The following GMPR variants were observed in gnomAD, a reference collection of about 807,000 sequenced individuals.
The protein encoded by GMPR is guanosine monophosphate reductase.
A neutral mutation model predicts 38.4 loss-of-function variants in GMPR; 31 were observed. That is an observed-to-expected ratio of 0.81 (90% CI 0.61 to 1.09). The LOEUF (loss-of-function observed/expected upper bound fraction) is 1.09, where lower values mean the gene tolerates loss of function less well. Ranked by LOEUF, GMPR falls within the 50% of genes least tolerant of loss-of-function variation. GMPR has a pLI of 0.00. For synonymous variants in GMPR, 162 were observed against 173.3 expected, an observed-to-expected ratio of 0.93 and a Z score of 0.51; for missense variants, 468 against 453.7, an observed-to-expected ratio of 1.03 and a Z score of -0.29.
chr6:16,277,257 G>A (rs1006694389), intron 5 of GMPR, among the ~76,000 whole-genome samples: 8 of 152,194 alleles, frequency 5.3e-5, no homozygotes, highest in Admixed American at 5.2e-4. Flanking sequence ...AGAGGGGCTT[G>A]CCCTGTCTCT....
intron 4 of GMPR, among the ~76,000 whole-genome samples, chr6:16,257,516 C>T (rs1426275066): frequency 6.6e-6 from 1 of 152,230 alleles, no homozygotes; most frequent in East Asian, 1.9e-4. Context: ...AGATACCTCA[C>T]TTGCTCTTTT....
rs557802238 is a variant in GMPR at position 16,293,158 on chromosome 6, C to T, written c.858-1848C>T. Among the ~76,000 whole-genome samples the T allele has an allele frequency of 4.6e-5, 7 of 152,300 alleles. No individual in the cohort carries two copies. In the South Asian group the frequency reaches 1.4e-3, roughly 32 times the overall value. On this transcript the variant is annotated intron_variant, in intron 8 of 8. Coordinates refer to ENST00000259727, the MANE Select transcript of GMPR (RefSeq NM_006877.4). ...TTTCCCAATCATTATTTCATTCTCA[C>T]GCTGTGCCCGGGAGGCAAAGTACCT...
intron 6 of GMPR, among the ~76,000 whole-genome samples, chr6:16,282,691 G>C (rs557322353): frequency 5.1e-4 from 77 of 152,226 alleles, no homozygotes; most frequent in Admixed American, 1.2e-3. Flanking sequence ...TCCTTTCTCT[G>C]CCTACTCCAT....
intron 8 of GMPR, among the ~76,000 whole-genome samples, chr6:16,292,300 G>A (rs942738829): frequency 6.6e-6 from 1 of 151,956 alleles, no homozygotes; most frequent in Non-Finnish European, 1.5e-5. Flanking sequence ...TAGGTGGGGG[G>A]ATTGGGGGGA....
At chr6:16,267,605 C>T (rs1581657702) in intron 4 of GMPR, among the ~76,000 whole-genome samples, 2 of 151,964 alleles carry the variant, frequency 1.3e-5, no homozygotes, top group South Asian at 2.1e-4. Context: ...ACTCCGGACA[C>T]GCCATCTTTT....
Position 16,247,314 on chromosome 6 carries a change from G to A in GMPR, c.207+353G>A, listed in dbSNP as rs939971863. 5.8e-4 allele frequency among the ~76,000 whole-genome samples: 88 copies of A among 151,846 alleles called. 1 individual carries two copies. Among genetic ancestry groups the A allele is most frequent in the Non-Finnish European group, 1.8e-4 (12 of 68,020 alleles). On this transcript the variant is annotated intron_variant, in intron 2 of 8. Coordinates refer to ENST00000259727, the MANE Select transcript of GMPR (RefSeq NM_006877.4). The stretch of plus-strand genomic sequence containing the variant: ...TGCAGTCCGTGCTGCAGCATTTACT[G>A]TATAATTATGTTGAATACATGTATC...
At chr6:16,291,922 A>G (rs959863414) in intron 8 of GMPR, among the ~76,000 whole-genome samples, 11 of 151,982 alleles carry the variant, frequency 7.2e-5, no homozygotes, top group Admixed American at 6.6e-4. Flanking sequence ...AAAAAAAAAA[A>G]AGAACCTGAT....
chr6:16,286,524 G>T (rs1225865695), intron 7 of GMPR, among the ~76,000 whole-genome samples: 1 of 151,592 alleles, frequency 6.6e-6, no homozygotes, highest in Non-Finnish European at 1.5e-5. Context: ...AAGCTCCCAT[G>T]CCTCCGCCCT....
chr6:16,246,938 G>C lies in GMPR; in HGVS notation c.184G>C (p.Glu62Gln). 1.2e-6 allele frequency: 2 copies of C among 1,614,028 alleles called. No individual in the cohort carries two copies. The highest frequency in any genetic ancestry group is 1.7e-6 in the Non-Finnish European group (2 of 1,179,964). Residue 62 changes from glutamate to glutamine, a missense_variant, in exon 2 of 9, where the codon GAG (glutamate) becomes CAG (glutamine). Transcript: ENST00000259727. ...VANMDTVGTFEMAAVMSQHSM... is the reference protein window; with the variant it reads ...VANMDTVGTFQMAAVMSQHSM... ...CAACATGGACACTGTGGGCACGTTT[G>C]AGATGGCAGCCGTGATGTCACAGGT... is the stretch of plus-strand genomic sequence containing the variant.
At chr6:16,266,676 T>C (rs553519720) in intron 4 of GMPR, among the ~76,000 whole-genome samples, 1 of 151,440 alleles carries the variant, frequency 6.6e-6, no homozygotes, top group Non-Finnish European at 1.5e-5. Context: ...CCGGGCGCAG[T>C]GGCGGGCGCC....
chr6:16,289,402 C>T (rs1257947070), intron 7 of GMPR: 1 of 152,258 alleles, frequency 6.6e-6, no homozygotes, highest in Non-Finnish European at 1.5e-5. Context: ...AACTTTTTTT[C>T]CCACGTTTTT....
At chr6:16,246,330 A>G (rs888537609) in intron 1 of GMPR, among the ~76,000 whole-genome samples, 7 of 152,216 alleles carry the variant, frequency 4.6e-5, no homozygotes, top group African/African-American at 1.7e-4. Flanking sequence ...TATGGTTGCA[A>G]TGTACTTTCC....
chr6:16,256,973 G>A (rs746090024), intron 4 of GMPR, among the ~76,000 whole-genome samples: 1 of 152,064 alleles, frequency 6.6e-6, no homozygotes, highest in Non-Finnish European at 1.5e-5. Context: ...AAATCCCTTG[G>A]GATTTCCTGG....
chr6:16,279,099 A>C (rs1226573799), intron 6 of GMPR, among the ~76,000 whole-genome samples: 1 of 152,238 alleles, frequency 6.6e-6, no homozygotes, highest in Non-Finnish European at 1.5e-5. Flanking sequence ...CCATACAAGC[A>C]GGTGGGTGGT....
At chr6:16,291,832 G>A (rs1007412274) in intron 8 of GMPR, among the ~76,000 whole-genome samples, 7 of 151,622 alleles carry the variant, frequency 4.6e-5, no homozygotes, top group Non-Finnish European at 1.0e-4. Flanking sequence ...GATGGCTTAA[G>A]CCCAGGAGTT....
intron 4 of GMPR, among the ~76,000 whole-genome samples, chr6:16,268,364 G>A (rs1759310510): frequency 6.6e-6 from 1 of 152,288 alleles, no homozygotes; most frequent in South Asian, 2.1e-4. Flanking sequence ...GCCCAGGCTG[G>A]AGTGTGGTGG....
At chr6:16,256,201 G>A (rs1254452310) in intron 4 of GMPR, among the ~76,000 whole-genome samples, 7 of 148,264 alleles carry the variant, frequency 4.7e-5, no homozygotes, top group Non-Finnish European at 1.0e-4. Flanking sequence ...GGGCAACAGA[G>A]GGAGACTCCG....
intron 1 of GMPR, among the ~76,000 whole-genome samples, chr6:16,243,725 C>G (rs143970930): frequency 6.6e-6 from 1 of 152,118 alleles, no homozygotes; most frequent in Non-Finnish European, 1.5e-5. Context: ...AAATTGCATC[C>G]CTCCTCACTG....
rs2113350355 is a variant in GMPR at position 16,292,447 on chromosome 6, G to A, written c.857+1826G>A. 2.0e-5 allele frequency among the ~76,000 whole-genome samples: 3 copies of A among 152,242 alleles called. No individual in the cohort carries two copies. The South Asian group carries it at 6.2e-4, about 32-fold the overall frequency. ...TTATAGTATGGGAAAAGCAGGATGG[G>A]AAAGATCGATGGGGACTGCACCAAT... On this transcript the variant is annotated intron_variant, in intron 8 of 8. Coordinates refer to ENST00000259727, the MANE Select transcript of GMPR (RefSeq NM_006877.4).
Sources: gnomAD v4.1 joint callset for allele counts (sites outside exome capture counted in the v4.1 genomes callset) on GRCh38, gnomAD v4.1.1 for gene constraint, MANE v1.5 for transcripts, NCBI Gene and HGNC (gene_info 2026-07-23, HGNC 2026-07-21) for gene names.